Variants in NINL observed in about 807,000 individuals in gnomAD.
The protein encoded by NINL is ninein-like protein.
NINL carries 153 observed loss-of-function variants against 160.3 expected under a neutral mutation model. The ratio of observed to expected loss-of-function variants is 0.95; its 90% CI spans 0.84 to 1.09. NINL has a LOEUF of 1.09. Ranked by LOEUF, NINL falls within the 50% of genes least tolerant of loss-of-function variation. The pLI, the probability that NINL is intolerant of heterozygous loss-of-function variation, is 0.00. For synonymous variants in NINL, 800 were observed against 734.8 expected, an observed-to-expected ratio of 1.09 and a Z score of -1.43; for missense variants, 1,829 against 1,764.0, an observed-to-expected ratio of 1.04 and a Z score of -0.66.
chr20:25,505,540 CAT>C (rs760160828), intron 5 of NINL, among the ~76,000 whole-genome samples: 51 of 152,360 alleles, frequency 3.3e-4, no homozygotes, highest in Non-Finnish European at 5.4e-4. Context: ...ACAATGTACA[CAT>C]GTCTCAGATC....
chr20:25,520,990 TC>T (rs1040882879), intron 2 of NINL, among the ~76,000 whole-genome samples: 3 of 152,228 alleles, frequency 2.0e-5, no homozygotes, highest in Non-Finnish European at 4.4e-5. Context: ...TGCTTGGAAT[TC>T]CATGGGCTTT....
chr20:25,553,792 A>G (rs2064832109), intron 1 of NINL, among the ~76,000 whole-genome samples: 1 of 152,228 alleles, frequency 6.6e-6, no homozygotes, highest in Admixed American at 6.5e-5. Context: ...ACAGTGGCCC[A>G]TGGAGGTGAC....
At chr20:25,525,894 T>G (rs1027414319) in intron 2 of NINL, among the ~76,000 whole-genome samples, 1 of 152,224 alleles carries the variant, frequency 6.6e-6, no homozygotes, top group African/African-American at 2.4e-5. Flanking sequence ...ATTTCACGTT[T>G]TCTATCTGGC....
chr20:25,478,169 C>T (rs1439880896), intron 16 of NINL, among the ~76,000 whole-genome samples: 10 of 152,092 alleles, frequency 6.6e-5, no homozygotes, highest in South Asian at 2.1e-4. Context: ...AGGCTGGTCT[C>T]GAACTCCTGA....
chr20:25,522,034 T>C (rs1568939561), intron 2 of NINL, among the ~76,000 whole-genome samples: 1 of 152,058 alleles, frequency 6.6e-6, no homozygotes, highest in Non-Finnish European at 1.5e-5. Context: ...GCCTCCTGAG[T>C]AGGTGGGTCT....
At chr20:25,542,751 C>T (rs1049174239) in intron 1 of NINL, among the ~76,000 whole-genome samples, 1 of 108,328 alleles carries the variant, frequency 9.2e-6, no homozygotes, top group Non-Finnish European at 1.7e-5. Flanking sequence ...AAAAAAAAGC[C>T]TGGGCGTGGT....
intron 20 of NINL, 28 bp downstream of exon 20, chr20:25,462,355 T>G (rs762835881): frequency 4.4e-6 from 7 of 1,601,550 alleles, no homozygotes; most frequent in South Asian, 2.2e-5. Context: ...AGCCTCCAGC[T>G]CAGCTCCCTG....
chr20:25,455,355 T>G (rs1349441898), intron 23 of NINL, among the ~76,000 whole-genome samples: 1 of 152,210 alleles, frequency 6.6e-6, no homozygotes, highest in African/African-American at 2.4e-5. Context: ...AGGTCTGGGA[T>G]GCAGGCTCAG....
At position 25,459,997 on chromosome 20, in the gene NINL, C is replaced by A. The variant is rs186123965; in HGVS notation, c.3697-1468G>T. 6.7e-4 allele frequency among the ~76,000 whole-genome samples: 102 copies of A among 152,272 alleles called. 1 individual carries two copies. In the East Asian group the frequency reaches 0.014, roughly 21 times the overall value. On this transcript the variant is annotated intron_variant, in intron 21 of 23. Transcript: ENST00000278886. The stretch of plus-strand genomic sequence containing the variant: ...ATCTCCCATCCTGAGTGCAGCCACC[C>A]TTCCTGTCCTTCCCGTGGAGAGGGC...
At chr20:25,489,437 G>C in intron 12 of NINL, 113 bp from the exon 13 acceptor site, 1 of 816,774 alleles carries the variant, frequency 1.2e-6, no homozygotes, top group South Asian at 1.4e-5. Context: ...ACCAGGCGCT[G>C]CATCTCCAGG....
rs1430131295 is a variant in NINL at position 25,496,776 on chromosome 20, C to T, written c.1197G>A (p.Glu399=). 3.7e-6 allele frequency: 6 copies of T among 1,614,058 alleles called. No individual in the cohort carries two copies. The highest frequency in any genetic ancestry group is 3.3e-5 in the Admixed American group (2 of 60,022). ...QQGQVEQLAR[E]RDKARQDLER... is the part of the protein sequence containing the mutation. ...CCAGGTCCTGCCTTGCCTTGTCACG[C>T]TCCCTTGCCAGCTGCTCCACCTGCC... is the stretch of plus-strand genomic sequence containing the variant. The change falls in exon 10 of 24, where the codon GAG becomes GAA. Residue 399 remains glutamate (E), a synonymous_variant. Coordinates refer to ENST00000278886, the MANE Select transcript of NINL (RefSeq NM_025176.6).
At chr20:25,576,792 A>G (rs1483831512) in intron 1 of NINL, among the ~76,000 whole-genome samples, 1 of 152,198 alleles carries the variant, frequency 6.6e-6, no homozygotes, top group Non-Finnish European at 1.5e-5. Flanking sequence ...GTCTACAATG[A>G]TAAGAGTCTT....
chr20:25,573,245 C>T lies in NINL; in HGVS notation c.-12+12210G>A, dbSNP rs890510204. Among the ~76,000 whole-genome samples the T allele has an allele frequency of 2.5e-4, 38 of 149,914 alleles. 1 individual carries two copies. Among genetic ancestry groups the T allele is most frequent in the Non-Finnish European group, 1.0e-4 (7 of 67,660 alleles). On this transcript the variant is annotated intron_variant, in intron 1 of 23. Coordinates refer to ENST00000278886, the MANE Select transcript of NINL (RefSeq NM_025176.6). The stretch of plus-strand genomic sequence containing the variant: ...CTGGGAGGCGGAGGCTGCAGTGAGC[C>T]GAGATCACACCACTGCACTCCAGCC...
chr20:25,507,703 G>A (rs1804707154), intron 5 of NINL, among the ~76,000 whole-genome samples: 1 of 152,186 alleles, frequency 6.6e-6, no homozygotes, highest in Non-Finnish European at 1.5e-5. Context: ...CCCAAAGGAA[G>A]CCAGACTGTG....
At position 25,467,400 on chromosome 20, in the gene NINL, G is replaced by C; in HGVS notation, c.3412C>G (p.Leu1138Val). 6.2e-7 allele frequency: 1 copy of C among 1,613,580 alleles called. No homozygotes were observed. The highest frequency in any genetic ancestry group is 8.5e-7 in the Non-Finnish European group (1 of 1,179,434). The change falls in exon 19 of 24, where the codon CTC (leucine) becomes GTC (valine). Residue 1138 changes from leucine (L) to valine (V), a missense_variant. Leu to Val is a conservative substitution (Grantham distance 32). Coordinates refer to ENST00000278886, the MANE Select transcript of NINL (RefSeq NM_025176.6). ...KEKACSEMEVLNRQNQNYKDQ... is the reference protein window; with the variant it reads ...KEKACSEMEVVNRQNQNYKDQ... ...CGTCGATACGTCACCTGTCTGTTGA[G>C]CACCTCCATCTCAGAGCAGGCCTTT... is the stretch of plus-strand genomic sequence containing the variant.
chr20:25,572,215 G>GT (rs879311776), intron 1 of NINL, among the ~76,000 whole-genome samples: 443 of 140,926 alleles, frequency 3.1e-3, no homozygotes, highest in Middle Eastern at 3.6e-3. Flanking sequence ...ATTCTGAGTA[G>GT]TTTTTTTTTT....
chr20:25,461,038 C>T (rs1022168306), intron 21 of NINL, among the ~76,000 whole-genome samples: 94 of 152,312 alleles, frequency 6.2e-4, no homozygotes, highest in African/African-American at 2.0e-3. Flanking sequence ...CTGTCTGTCC[C>T]GGACCACGAG....
At chr20:25,483,061 G>A (rs2063428855) in intron 13 of NINL, among the ~76,000 whole-genome samples, 2 of 150,792 alleles carry the variant, frequency 1.3e-5, no homozygotes. Context: ...GAGGCCAGGT[G>A]TGGTGGCTCA....
chr20:25,554,432 T>A (rs2064840162), intron 1 of NINL, among the ~76,000 whole-genome samples: 2 of 152,070 alleles, frequency 1.3e-5, no homozygotes, highest in South Asian at 4.2e-4. Flanking sequence ...ACACAGTGCA[T>A]CTCAGACAAC....
Sources: gnomAD v4.1 joint callset for allele counts (sites outside exome capture counted in the v4.1 genomes callset) on GRCh38, gnomAD v4.1.1 for gene constraint, MANE v1.5 for transcripts, NCBI Gene and HGNC (gene_info 2026-07-23, HGNC 2026-07-21) for gene names.